GRID2: variants seen among roughly 807,000 people sequenced by gnomAD.
GRID2 encodes the protein glutamate receptor ionotropic, delta-2.
In GRID2, 33 loss-of-function variants were observed where a neutral mutation model predicts 114.8. The observed-to-expected ratio is 0.29, with a 90% CI of 0.22 to 0.38. GRID2 has a LOEUF of 0.38. Ranked by LOEUF, GRID2 falls within the 10% of genes least tolerant of loss-of-function variation. The probability of loss-of-function intolerance (pLI) is 1.00; values close to 1 mark genes in which losing one functional copy is unlikely to be tolerated. For synonymous variants in GRID2, 505 were observed against 449.9 expected (o/e 1.12, Z -1.55); for missense variants, 1,184 against 1,257.7 (o/e 0.94, Z 0.89).
At chr4:92,850,619 C>T (rs1743704283) in intron 2 of GRID2, among the ~76,000 whole-genome samples, 1 of 151,926 alleles carries the variant, frequency 6.6e-6, no homozygotes, top group Non-Finnish European at 1.5e-5. Flanking sequence ...ATTTTTCCTC[C>T]TAAGGAGCTA....
Position 92,365,470 on chromosome 4 carries a change from A to G in GRID2, c.88+60726A>G, listed in dbSNP as rs577998677. 5.3e-5 allele frequency among the ~76,000 whole-genome samples: 8 copies of G among 151,940 alleles called. No individual in the cohort carries two copies. The East Asian group carries it at 1.6e-3, about 30-fold the overall frequency. On this transcript the variant is annotated intron_variant, in intron 1 of 15. Coordinates refer to ENST00000282020, the MANE Select transcript of GRID2 (RefSeq NM_001510.4). ...AGTAGAGAGTAGAATGAGAGTTAAC[A>G]GAGACTGGGTGGTGCTGGTGGTGGT...
intron 1 of GRID2, among the ~76,000 whole-genome samples, chr4:92,487,836 G>A (rs1722969257): frequency 6.6e-6 from 1 of 151,826 alleles, no homozygotes; most frequent in African/African-American, 2.4e-5. Flanking sequence ...TGTGTGTTTT[G>A]TTTTTGGCTT....
At chr4:92,699,834 T>G (rs1734585999) in intron 2 of GRID2, among the ~76,000 whole-genome samples, 1 of 152,144 alleles carries the variant, frequency 6.6e-6, no homozygotes, top group Admixed American at 6.5e-5. Context: ...ATTTATAAAA[T>G]TCTGTTATTT....
intron 14 of GRID2, among the ~76,000 whole-genome samples, chr4:93,731,377 C>T (rs1442023076): frequency 6.6e-6 from 1 of 152,032 alleles, no homozygotes; most frequent in Non-Finnish European, 1.5e-5. Flanking sequence ...AAATGGAAGG[C>T]AAGGGAGAGC....
At chr4:93,565,646 T>G (rs1048935227) in intron 13 of GRID2, among the ~76,000 whole-genome samples, 1 of 152,174 alleles carries the variant, frequency 6.6e-6, no homozygotes, top group Non-Finnish European at 1.5e-5. Flanking sequence ...AATTATTCCA[T>G]AAAAAGTATG....
At chr4:92,919,769 C>A (rs1235887092) in intron 2 of GRID2, among the ~76,000 whole-genome samples, 1 of 152,048 alleles carries the variant, frequency 6.6e-6, no homozygotes, top group Non-Finnish European at 1.5e-5. Context: ...GCTTTACTTC[C>A]AAGTATGTGG....
At chr4:92,776,139 T>A (rs1416054568) in intron 2 of GRID2, among the ~76,000 whole-genome samples, 1 of 152,190 alleles carries the variant, frequency 6.6e-6, no homozygotes, top group Non-Finnish European at 1.5e-5. Flanking sequence ...TGTGTGTTAA[T>A]CTTTCATCGC....
chr4:93,761,675 G>A (rs1325837616), intron 14 of GRID2, among the ~76,000 whole-genome samples: 2 of 152,124 alleles, frequency 1.3e-5, no homozygotes, highest in Admixed American at 6.6e-5. Flanking sequence ...TTAAGCAACT[G>A]CCATTTGGCT....
intron 14 of GRID2, among the ~76,000 whole-genome samples, chr4:93,683,858 T>G (rs191391928): frequency 6.6e-4 from 101 of 152,228 alleles, no homozygotes; most frequent in African/African-American, 2.4e-3. Flanking sequence ...TTGTGGTGTA[T>G]TAACTGTTAA....
chr4:92,407,021 C>T (rs942342139), intron 1 of GRID2, among the ~76,000 whole-genome samples: 6 of 151,936 alleles, frequency 3.9e-5, no homozygotes, highest in African/African-American at 1.4e-4. Flanking sequence ...CCACCAGAAA[C>T]TTGCAATTAT....
At chr4:93,452,279 T>C (rs1036863537) in intron 10 of GRID2, among the ~76,000 whole-genome samples, 1 of 152,166 alleles carries the variant, frequency 6.6e-6, no homozygotes, top group Non-Finnish European at 1.5e-5. Context: ...TTGAAGTATA[T>C]CCACTACGTT....
At chr4:93,537,178 C>T (rs568449962) in intron 13 of GRID2, among the ~76,000 whole-genome samples, 2 of 151,870 alleles carry the variant, frequency 1.3e-5, no homozygotes, top group South Asian at 4.2e-4. Context: ...CCTAACATAA[C>T]TTTCCTTAGT....
intron 1 of GRID2, among the ~76,000 whole-genome samples, chr4:92,468,277 G>T (rs1194576233): frequency 6.6e-6 from 1 of 151,776 alleles, no homozygotes; most frequent in Non-Finnish European, 1.5e-5. Flanking sequence ...TTTACTAGCT[G>T]AATTTTTCAG....
At chr4:92,513,562 C>G (rs1362189104) in intron 1 of GRID2, among the ~76,000 whole-genome samples, 1 of 151,792 alleles carries the variant, frequency 6.6e-6, no homozygotes, top group African/African-American at 2.4e-5. Context: ...TTAGCTCCCT[C>G]TTATACAATA....
intron 2 of GRID2, among the ~76,000 whole-genome samples, chr4:92,759,277 T>A (rs1367078823): frequency 1.3e-5 from 2 of 152,188 alleles, no homozygotes; most frequent in Non-Finnish European, 2.9e-5. Flanking sequence ...CAACTTCTAT[T>A]TTGACAATAT....
intron 13 of GRID2, among the ~76,000 whole-genome samples, chr4:93,530,395 T>C (rs1221447174): frequency 6.6e-6 from 1 of 152,198 alleles, no homozygotes. Flanking sequence ...TTGATTTGGG[T>C]ATCTTCCCTT....
intron 1 of GRID2, among the ~76,000 whole-genome samples, chr4:92,328,734 G>T (rs994200136): frequency 6.6e-6 from 1 of 151,998 alleles, no homozygotes; most frequent in Non-Finnish European, 1.5e-5. Context: ...TTTTGTTTTT[G>T]TTTCTGTTGG....
At chr4:93,079,927 T>C (rs1314169798) in intron 2 of GRID2, among the ~76,000 whole-genome samples, 1 of 152,286 alleles carries the variant, frequency 6.6e-6, no homozygotes, top group Non-Finnish European at 1.5e-5. Flanking sequence ...AATTAAAATA[T>C]TTTTTCTGTA....
chr4:92,547,083 T>C (rs1726302264), intron 1 of GRID2, among the ~76,000 whole-genome samples: 1 of 152,088 alleles, frequency 6.6e-6, no homozygotes, highest in Non-Finnish European at 1.5e-5. Context: ...AATAGGAGGG[T>C]TTCTGTAACT....
Sources: gnomAD v4.1 joint callset for allele counts (sites outside exome capture counted in the v4.1 genomes callset) on GRCh38, gnomAD v4.1.1 for gene constraint, MANE v1.5 for transcripts, NCBI Gene and HGNC (gene_info 2026-07-23, HGNC 2026-07-21) for gene names.